SLC44A5: variants seen among roughly 807,000 people sequenced by gnomAD.
SLC44A5 encodes choline transporter-like protein 5.
In SLC44A5, 57 loss-of-function variants were observed where a neutral mutation model predicts 101.8. The ratio of observed to expected loss-of-function variants is 0.56; its 90% CI spans 0.45 to 0.70. The LOEUF (loss-of-function observed/expected upper bound fraction) is 0.70. Ranked by LOEUF, SLC44A5 falls within the 30% of genes least tolerant of loss-of-function variation. The pLI is 0.00. For synonymous variants in SLC44A5, 281 were observed against 290.9 expected (o/e 0.97, Z 0.35); for missense variants, 737 against 853.1 (o/e 0.86, Z 1.70).
chr1:75,643,525 G>A, the SLC44A5 span, among the ~76,000 whole-genome samples: 1 of 152,144 alleles, frequency 6.6e-6, no homozygotes, highest in Non-Finnish European at 1.5e-5. Flanking sequence ...TAGGTCATTG[G>A]TTTGGCTGTG....
intron 1 of SLC44A5, among the ~76,000 whole-genome samples, chr1:75,546,631 G>T (rs1671667630): frequency 6.6e-6 from 1 of 152,070 alleles, no homozygotes. Flanking sequence ...GACATTCTAT[G>T]TTACTCAACC....
chr1:75,631,876 A>G, the SLC44A5 span, among the ~76,000 whole-genome samples: 2 of 152,026 alleles, frequency 1.3e-5, no homozygotes, highest in Admixed American at 6.6e-5. Context: ...CATGTTGCCC[A>G]GGCTGGCCTC....
intron 1 of SLC44A5, among the ~76,000 whole-genome samples, chr1:75,575,010 A>C (rs934582078): frequency 2.0e-5 from 3 of 152,118 alleles, no homozygotes; most frequent in Non-Finnish European, 2.9e-5. Context: ...TCCAGTGAAG[A>C]GGGGTACTAT....
At chr1:75,289,560 G>A (rs1348901832) in intron 5 of SLC44A5, among the ~76,000 whole-genome samples, 1 of 152,090 alleles carries the variant, frequency 6.6e-6, no homozygotes, top group Non-Finnish European at 1.5e-5. Context: ...GCTCAAGAAA[G>A]TTACATAAGA....
intron 4 of SLC44A5, among the ~76,000 whole-genome samples, chr1:75,317,416 A>C (rs1468238350): frequency 6.6e-6 from 1 of 152,244 alleles, no homozygotes; most frequent in East Asian, 1.9e-4. Flanking sequence ...GGAATAGATA[A>C]AAATTAGTTA....
At chr1:75,539,708 A>T (rs974936553) in intron 2 of SLC44A5, among the ~76,000 whole-genome samples, 1 of 152,238 alleles carries the variant, frequency 6.6e-6, no homozygotes, top group Non-Finnish European at 1.5e-5. Context: ...GGAGAAAGTC[A>T]TTCATTAACT....
At chr1:75,257,721 C>A (rs1339806812) in intron 6 of SLC44A5, among the ~76,000 whole-genome samples, 2 of 152,156 alleles carry the variant, frequency 1.3e-5, no homozygotes, top group African/African-American at 4.8e-5. Flanking sequence ...TCTCACACCC[C>A]TCCCTGAGGT....
chr1:75,213,660 A>AT, intron 22 of SLC44A5, 45 bp downstream of exon 22: 2 of 1,324,654 alleles, frequency 1.5e-6, no homozygotes, highest in Non-Finnish European at 2.2e-6. Flanking sequence ...AGTCTATAGT[A>AT]TTTTTATTAT....
chr1:75,206,550 A>T, intron 23 of SLC44A5: 1 of 1,161,398 alleles, frequency 8.6e-7, no homozygotes, highest in Non-Finnish European at 1.3e-6. Flanking sequence ...CCAAATTACA[A>T]TCAACCTAAT....
chr1:75,212,536 C>T (rs573938024), intron 22 of SLC44A5, among the ~76,000 whole-genome samples: 5 of 152,240 alleles, frequency 3.3e-5, no homozygotes, highest in African/African-American at 4.8e-5. Flanking sequence ...TTCTTTCTCA[C>T]GACTGTATAG....
At chr1:75,723,458 A>G in the SLC44A5 span, among the ~76,000 whole-genome samples, 1 of 152,058 alleles carries the variant, frequency 6.6e-6, no homozygotes, top group African/African-American at 2.4e-5. Flanking sequence ...GGAACTACCG[A>G]CTAGACATGT....
the SLC44A5 span, among the ~76,000 whole-genome samples, chr1:75,626,205 C>T: frequency 6.6e-6 from 1 of 151,980 alleles, no homozygotes; most frequent in Non-Finnish European, 1.5e-5. Flanking sequence ...ATGTAAAGGA[C>T]CAGAGAAGGT....
At chr1:75,384,951 A>G (rs955231949) in intron 3 of SLC44A5, among the ~76,000 whole-genome samples, 1 of 150,838 alleles carries the variant, frequency 6.6e-6, no homozygotes, top group Non-Finnish European at 1.5e-5. Flanking sequence ...CTGCTCCTGA[A>G]TGACTACTGG....
At position 75,576,157 on chromosome 1, in the gene SLC44A5, C is replaced by G. The variant is rs1673349830; in HGVS notation, c.-69-34641G>C. 2.7e-5 allele frequency among the ~76,000 whole-genome samples: 4 copies of G among 149,864 alleles called. No individual in the cohort carries two copies. The South Asian group carries it at 8.5e-4, about 32-fold the overall frequency. ...AGAGAAATAGAGATGAATGGGATGT[C>G]TATTACAGTAAAATAAAAATATTTT... On this transcript the variant is annotated intron_variant, in intron 1 of 23. Transcript: ENST00000370859.
At chr1:75,384,245 G>A (rs1421971370) in intron 3 of SLC44A5, among the ~76,000 whole-genome samples, 2 of 152,200 alleles carry the variant, frequency 1.3e-5, no homozygotes, top group African/African-American at 4.8e-5. Context: ...TGCTCCAATG[G>A]AAAGACACAG....
chr1:75,680,289 C>T, the SLC44A5 span, among the ~76,000 whole-genome samples: 2,005 of 151,632 alleles, frequency 0.013, 34 homozygotes, highest in Middle Eastern at 0.031. Context: ...AACTCTCCAC[C>T]CCAAATCAAC....
intron 7 of SLC44A5, among the ~76,000 whole-genome samples, chr1:75,243,599 T>C (rs937053437): frequency 6.6e-6 from 1 of 152,100 alleles, no homozygotes; most frequent in Non-Finnish European, 1.5e-5. Flanking sequence ...AATCAACATG[T>C]AGTTGTGAGG....
chr1:75,661,766 C>T, the SLC44A5 span, among the ~76,000 whole-genome samples: 60 of 152,112 alleles, frequency 3.9e-4, no homozygotes, highest in South Asian at 7.5e-3. Context: ...CACTAATAGT[C>T]AGGAAAATGC....
intron 3 of SLC44A5, among the ~76,000 whole-genome samples, chr1:75,395,167 G>C (rs2101388438): frequency 6.6e-6 from 1 of 152,004 alleles, no homozygotes; most frequent in Non-Finnish European, 1.5e-5. Flanking sequence ...GAAAGATGAG[G>C]GCTTTATTTT....
Sources: gnomAD v4.1 joint callset for allele counts (sites outside exome capture counted in the v4.1 genomes callset) on GRCh38, gnomAD v4.1.1 for gene constraint, MANE v1.5 for transcripts, NCBI Gene and HGNC (gene_info 2026-07-23, HGNC 2026-07-21) for gene names.